The following EXOC6B variants were observed in gnomAD, a reference collection of about 807,000 sequenced individuals.
The protein encoded by EXOC6B is SEC15 homolog B.
A neutral mutation model predicts 113.5 loss-of-function variants in EXOC6B; 54 were observed. The ratio of observed to expected loss-of-function variants is 0.48; its 90% CI spans 0.38 to 0.60. The LOEUF (loss-of-function observed/expected upper bound fraction) is 0.60. Ranked by LOEUF, EXOC6B falls within the 20% of genes least tolerant of loss-of-function variation. EXOC6B has a pLI of 0.00. For synonymous variants in EXOC6B, 357 were observed against 339.0 expected, an observed-to-expected ratio of 1.05 and a Z score of -0.58; for missense variants, 797 against 977.5, an observed-to-expected ratio of 0.82 and a Z score of 2.46.
At chr2:72,398,588 T>G (rs1016752448) in intron 18 of EXOC6B, among the ~76,000 whole-genome samples, 1 of 151,790 alleles carries the variant, frequency 6.6e-6, no homozygotes, top group African/African-American at 2.4e-5. Context: ...TCCCAGCTAC[T>G]TAGGTGGCTG....
At chr2:72,467,974 T>C (rs1004758937) in intron 17 of EXOC6B, among the ~76,000 whole-genome samples, 8 of 152,142 alleles carry the variant, frequency 5.3e-5, no homozygotes, top group Admixed American at 5.2e-4. Context: ...TTTCACCATG[T>C]TGGCCAGGCT....
chr2:72,724,921 C>G (rs1341680529), intron 5 of EXOC6B, among the ~76,000 whole-genome samples: 1 of 152,098 alleles, frequency 6.6e-6, no homozygotes, highest in Non-Finnish European at 1.5e-5. Flanking sequence ...TTCAAGTCAC[C>G]TGTGGGGTTA....
intron 6 of EXOC6B, among the ~76,000 whole-genome samples, chr2:72,602,113 A>ATC: frequency 6.6e-6 from 1 of 152,308 alleles, no homozygotes; most frequent in Non-Finnish European, 1.5e-5. Context: ...GTAAAAGATC[A>ATC]TCTGCTGAAA....
At chr2:72,725,952 T>C (rs1680275949) in intron 5 of EXOC6B, among the ~76,000 whole-genome samples, 1 of 152,192 alleles carries the variant, frequency 6.6e-6, no homozygotes, top group African/African-American at 2.4e-5. Context: ...GCATTATTCG[T>C]AATAGTTAAA....
At chr2:72,529,530 G>A (rs1701892759) in intron 8 of EXOC6B, among the ~76,000 whole-genome samples, 1 of 152,168 alleles carries the variant, frequency 6.6e-6, no homozygotes, top group Admixed American at 6.5e-5. Context: ...AGATTCTATA[G>A]AACTGGTGTT....
chr2:72,195,766 AAAT>A (rs1679130302), intron 20 of EXOC6B, among the ~76,000 whole-genome samples: 3 of 152,208 alleles, frequency 2.0e-5, no homozygotes, highest in Admixed American at 6.5e-5. Context: ...CCACATTATA[AAAT>A]AATAATAGTA....
intron 6 of EXOC6B, among the ~76,000 whole-genome samples, chr2:72,699,369 C>T (rs1678127684): frequency 6.6e-6 from 1 of 151,854 alleles, no homozygotes; most frequent in South Asian, 2.1e-4. Flanking sequence ...ATCCCAGCTA[C>T]TCAGGAGGCT....
intron 18 of EXOC6B, among the ~76,000 whole-genome samples, chr2:72,430,703 C>T (rs1164786904): frequency 6.6e-6 from 1 of 152,112 alleles, no homozygotes; most frequent in African/African-American, 2.4e-5. Context: ...AGAGAAGGAA[C>T]TAAATTTTAT....
At chr2:72,541,229 C>T (rs1573357039) in intron 8 of EXOC6B, among the ~76,000 whole-genome samples, 1 of 152,264 alleles carries the variant, frequency 6.6e-6, no homozygotes, top group East Asian at 1.9e-4. Context: ...TGCCTTTCAC[C>T]TCCTGCCATG....
chr2:72,515,872 G>T, intron 8 of EXOC6B: 1 of 326,442 alleles, frequency 3.1e-6, no homozygotes, highest in Non-Finnish European at 4.4e-6. Flanking sequence ...TGGAGGGTGG[G>T]ACCTTAATAG....
chr2:72,751,844 T>A (rs930165502), intron 1 of EXOC6B, among the ~76,000 whole-genome samples: 1 of 152,064 alleles, frequency 6.6e-6, no homozygotes, highest in African/African-American at 2.4e-5. Flanking sequence ...CTAGAATTGA[T>A]AAAAGATGTA....
chr2:72,360,406 T>G (rs920642472), intron 19 of EXOC6B, among the ~76,000 whole-genome samples: 15 of 152,160 alleles, frequency 9.9e-5, no homozygotes, highest in Admixed American at 5.2e-4. Flanking sequence ...TACTTCTTTA[T>G]ACTACAAGTT....
intron 19 of EXOC6B, among the ~76,000 whole-genome samples, chr2:72,366,143 T>C (rs989225622): frequency 3.3e-5 from 5 of 151,948 alleles, no homozygotes; most frequent in African/African-American, 1.2e-4. Context: ...AATATACGCA[T>C]GATGGAACTG....
intron 18 of EXOC6B, among the ~76,000 whole-genome samples, chr2:72,416,968 G>A (rs1694564133): frequency 2.0e-5 from 3 of 152,004 alleles, no homozygotes; most frequent in Admixed American, 1.3e-4. Context: ...AGTTACCTCA[G>A]GTGACAATAT....
At chr2:72,526,748 C>T (rs1467403724) in intron 8 of EXOC6B, among the ~76,000 whole-genome samples, 1 of 151,696 alleles carries the variant, frequency 6.6e-6, no homozygotes, top group Non-Finnish European at 1.5e-5. Context: ...AATATTAGAT[C>T]TATATCTGGT....
chr2:72,286,838 A>G (rs1685459202), intron 20 of EXOC6B, among the ~76,000 whole-genome samples: 2 of 152,130 alleles, frequency 1.3e-5, no homozygotes, highest in Non-Finnish European at 1.5e-5. Context: ...AAAAAAAGAT[A>G]CCTAGCAAAT....
intron 7 of EXOC6B, among the ~76,000 whole-genome samples, chr2:72,560,260 C>T (rs1208947809): frequency 4.0e-5 from 6 of 150,286 alleles, no homozygotes; most frequent in Non-Finnish European, 8.9e-5. Context: ...AATTTGGTCT[C>T]GACTACCTAA....
At chr2:72,182,312 G>C (rs979698303) in intron 21 of EXOC6B, among the ~76,000 whole-genome samples, 2 of 152,142 alleles carry the variant, frequency 1.3e-5, no homozygotes, top group African/African-American at 4.8e-5. Flanking sequence ...TCCTGGGAAC[G>C]GAGGAGTAAA....
intron 2 of EXOC6B, among the ~76,000 whole-genome samples, chr2:72,741,036 G>A (rs367910679): frequency 1.1e-4 from 16 of 151,968 alleles, no homozygotes; most frequent in Non-Finnish European, 7.4e-5. Flanking sequence ...CCCAGGAGGC[G>A]GAGCTTGCAG....
Sources: gnomAD v4.1 joint callset for allele counts (sites outside exome capture counted in the v4.1 genomes callset) on GRCh38, gnomAD v4.1.1 for gene constraint, MANE v1.5 for transcripts, NCBI Gene and HGNC (gene_info 2026-07-23, HGNC 2026-07-21) for gene names.